Variants in QSOX1 observed in about 807,000 individuals in gnomAD.
QSOX1 encodes quiescin sulfhydryl oxidase 1, also known as sulfhydryl oxidase 1.
Under a neutral mutation model 76.1 loss-of-function variants are expected in QSOX1, and 40 were observed. That is an observed-to-expected ratio of 0.53 (90% CI 0.41 to 0.68). The LOEUF (loss-of-function observed/expected upper bound fraction) is 0.68, where lower values mean the gene tolerates loss of function less well. QSOX1 is among the 30% of genes least tolerant of loss of function. The pLI, the probability that QSOX1 is intolerant of heterozygous loss-of-function variation, is 0.00. For synonymous variants in QSOX1, 392 were observed against 413.1 expected, an observed-to-expected ratio of 0.95 and a Z score of 0.62; for missense variants, 931 against 974.3, an observed-to-expected ratio of 0.96 and a Z score of 0.59.
intron 10 of QSOX1, among the ~76,000 whole-genome samples, chr1:180,191,868 C>CT (rs769415305): frequency 1.2e-4 from 18 of 152,044 alleles, no homozygotes; most frequent in Non-Finnish European, 1.9e-4. Context: ...CGTCTGTTGT[C>CT]TGAGTTCTGG....
Position 180,198,854 on chromosome 1 carries a change from G to A in QSOX1, c.*1817G>A, listed in dbSNP as rs1663569578. On this transcript the variant is annotated 3_prime_UTR_variant, in exon 12 of 12. Coordinates refer to ENST00000367602, the MANE Select transcript of QSOX1 (RefSeq NM_002826.5). ...AGGAAGACAGAGGCTCCCAGGGCCG[G>A]TGCCCTGTGTGCCCACTGCACCAAG... 2 of 187,610 alleles carry A rather than the reference G, an allele frequency of 1.1e-5. No individual in the cohort carries two copies. The highest frequency in any genetic ancestry group is 2.6e-4 in the East Asian group (2 of 7,690). The allele number at this position is 187,610 out of a possible 1,614,324, so 11.6% of individuals were successfully genotyped here. A position where few individuals can be genotyped will look rare whatever the true frequency, so the allele number is the denominator to read the frequency against.
At chr1:180,168,910 C>G (rs146121054) in intron 2 of QSOX1, among the ~76,000 whole-genome samples, 239 of 152,296 alleles carry the variant, frequency 1.6e-3, no homozygotes, top group African/African-American at 5.4e-3. Flanking sequence ...GCACTCTGTC[C>G]ATGAAGAGCT....
Position 180,178,503 on chromosome 1 carries a change from C to T in QSOX1, c.516-291C>T, listed in dbSNP as rs143479483. ...TCAGCCTCCCAAAGTGTTGGGATTA[C>T]AGGCGTGAGCCACCGCACCCGGCCC... On this transcript the variant is annotated intron_variant, in intron 4 of 11. Transcript: ENST00000367602. Among the ~76,000 whole-genome samples the T allele has an allele frequency of 1.1e-3, 168 of 152,378 alleles. 1 individual carries two copies. Among genetic ancestry groups the T allele is most frequent in the African/African-American group, 3.6e-3 (149 of 41,596 alleles).
Position 180,166,568 on chromosome 1 carries a change from A to C in QSOX1, c.343A>C (p.Ile115Leu). The C allele has an allele frequency of 6.2e-7, 1 of 1,614,112 alleles. No homozygotes were observed. ...TNSAVCRDFN[I>L]PGFPTVRFFK... Reference sequence around the variant, plus strand: ...CAGTGCAGTCTGCAGAGACTTCAACATCCCTGGCTTCCCGACTGTGAGGGT... The same window carrying C: ...CAGTGCAGTCTGCAGAGACTTCAACCTCCCTGGCTTCCCGACTGTGAGGGT... The change falls in exon 2 of 12, where the codon ATC becomes CTC. Residue 115 changes from isoleucine (I) to leucine (L), a missense_variant. Ile to Leu is a conservative substitution (Grantham distance 5). Transcript: ENST00000367602.
At chr1:180,182,040 C>T in intron 5 of QSOX1, 134 bp from the exon 6 acceptor site, 1 of 816,480 alleles carries the variant, frequency 1.2e-6, no homozygotes, top group Non-Finnish European at 1.9e-6. Flanking sequence ...CAGTGTGGTC[C>T]ACTCTTTGTG....
chr1:180,165,075 C>T (rs1474389198), intron 1 of QSOX1, among the ~76,000 whole-genome samples: 1 of 152,214 alleles, frequency 6.6e-6, no homozygotes, highest in Non-Finnish European at 1.5e-5. Flanking sequence ...AATCTAATAC[C>T]TTTCACCTCG....
rs1053570157 is a variant in QSOX1 at position 180,184,062 on chromosome 1, C to G, written c.887+12C>G. On this transcript the variant is annotated intron_variant, in intron 7 of 11. Coordinates refer to ENST00000367602, the MANE Select transcript of QSOX1 (RefSeq NM_002826.5). ...AAATTGGCAGATCGGTAAGGCTACGCCTGGTTCTCCTCACTTCTTCTCCTT... is the reference window on the plus strand; with the variant it reads ...AAATTGGCAGATCGGTAAGGCTACGGCTGGTTCTCCTCACTTCTTCTCCTT... The G allele has an allele frequency of 2.5e-6, 4 of 1,613,744 alleles. No individual in the cohort carries two copies. Among genetic ancestry groups the G allele is most frequent in the Admixed American group, 1.7e-5 (1 of 59,990 alleles).
chr1:180,178,208 C>A (rs917598731), intron 4 of QSOX1, among the ~76,000 whole-genome samples: 2 of 152,186 alleles, frequency 1.3e-5, no homozygotes, highest in South Asian at 4.1e-4. Flanking sequence ...CCTCCCCACA[C>A]GGCCTCCTAC....
intron 8 of QSOX1, among the ~76,000 whole-genome samples, chr1:180,188,844 G>A (rs1208486149): frequency 2.0e-5 from 3 of 152,122 alleles, no homozygotes; most frequent in Admixed American, 1.3e-4. Flanking sequence ...CCTGCCCTCC[G>A]CCCCTTGTGC....
chr1:180,155,631 A>G (rs922836954), intron 1 of QSOX1, among the ~76,000 whole-genome samples: 4 of 152,068 alleles, frequency 2.6e-5, no homozygotes, highest in African/African-American at 9.7e-5. Flanking sequence ...GAGAAAAGGG[A>G]ACGGACATCC....
At chr1:180,164,602 G>A (rs1345403517) in intron 1 of QSOX1, among the ~76,000 whole-genome samples, 6 of 152,294 alleles carry the variant, frequency 3.9e-5, no homozygotes, top group Admixed American at 2.6e-4. Context: ...CCAGGGATGC[G>A]TCAGGGTGTG....
intron 1 of QSOX1, among the ~76,000 whole-genome samples, chr1:180,159,065 G>A (rs577415226): frequency 1.3e-5 from 2 of 152,290 alleles, no homozygotes; most frequent in African/African-American, 4.8e-5. Flanking sequence ...CAAGCCCCCA[G>A]TGGGGGCTCA....
At position 180,194,321 on chromosome 1, in the gene QSOX1, G is replaced by T. The variant is rs546683425; in HGVS notation, c.1397G>T (p.Arg466Leu). The T allele has an allele frequency of 6.2e-7, 1 of 1,610,028 alleles. No homozygotes were observed. The highest frequency in any genetic ancestry group is 8.5e-7 in the Non-Finnish European group (1 of 1,177,364). ...CAGATGGCTGCTGCCTCCATGCACCGGGTGGGGAGTCCCAACGCCGCTGTC... is the reference window on the plus strand; with the variant it reads ...CAGATGGCTGCTGCCTCCATGCACCTGGTGGGGAGTCCCAACGCCGCTGTC... The part of the protein sequence containing the change: ...FEQMAAASMH[R>L]VGSPNAAVLW... Residue 466 changes from arginine (R) to leucine (L), a missense_variant, in exon 11 of 12, where the codon CGG becomes CTG. Transcript: ENST00000367602.
intron 1 of QSOX1, among the ~76,000 whole-genome samples, chr1:180,158,261 T>A (rs1435711122): frequency 1.3e-5 from 2 of 152,182 alleles, no homozygotes; most frequent in Non-Finnish European, 2.9e-5. Flanking sequence ...TGTGCCGAGC[T>A]ATGGAGGTGA....
chr1:180,167,369 C>G (rs6690609), intron 2 of QSOX1, among the ~76,000 whole-genome samples: 123,002 of 152,186 alleles, frequency 0.81, 51,384 homozygotes, highest in East Asian at 0.99. Flanking sequence ...ATCTAGAAAA[C>G]CAGTTTCTTC....
chr1:180,191,902 G>A (rs2149242386), intron 10 of QSOX1, among the ~76,000 whole-genome samples: 1 of 152,092 alleles, frequency 6.6e-6, no homozygotes, highest in East Asian at 1.9e-4. Flanking sequence ...AGGTGGAGGT[G>A]TCTGTGCTGG....
In QSOX1 at chr1:180,197,643, G is replaced by T; in HGVS notation, c.*606G>T. 2.2e-6 allele frequency: 1 copy of T among 463,392 alleles called. No homozygotes were observed. The allele number at this position is 463,392 out of a possible 1,614,324, so 28.7% of individuals were successfully genotyped here. ...TTCTGGAAGTCGTGCTGGTCTCCCA[G>T]GTGAGGCAAGCCATGGTTGCTGGGC... On this transcript the variant is annotated 3_prime_UTR_variant, in exon 12 of 12. Transcript: ENST00000367602.
At chr1:180,161,542 A>T (rs1347815916) in intron 1 of QSOX1, among the ~76,000 whole-genome samples, 2 of 152,264 alleles carry the variant, frequency 1.3e-5, no homozygotes, top group Non-Finnish European at 2.9e-5. Context: ...CAGTATTGCC[A>T]TAAAAATAGG....
chr1:180,178,871 A>C lies in QSOX1; in HGVS notation c.593A>C (p.Tyr198Ser). ...LALIFEKGGSYLGREVALDLS... is the reference protein window; with the variant it reads ...LALIFEKGGSSLGREVALDLS... Reference sequence around the variant, plus strand: ...CTGATCTTTGAAAAGGGAGGCTCCTACCTGGGTAGAGAGGTGAGCTGCCCT... The same window carrying C: ...CTGATCTTTGAAAAGGGAGGCTCCTCCCTGGGTAGAGAGGTGAGCTGCCCT... The change falls in exon 5 of 12, where the codon TAC becomes TCC. Residue 198 changes from tyrosine (Y) to serine (S), a missense_variant. Tyr to Ser is a moderately radical substitution (Grantham distance 144, BLOSUM62 -2). Coordinates refer to ENST00000367602, the MANE Select transcript of QSOX1 (RefSeq NM_002826.5). 6.2e-7 allele frequency: 1 copy of C among 1,613,648 alleles called. No individual in the cohort carries two copies. Among genetic ancestry groups the C allele is most frequent in the East Asian group, 2.2e-5 (1 of 44,872 alleles).
Sources: gnomAD v4.1 joint callset for allele counts (sites outside exome capture counted in the v4.1 genomes callset) on GRCh38, gnomAD v4.1.1 for gene constraint, MANE v1.5 for transcripts, NCBI Gene and HGNC (gene_info 2026-07-23, HGNC 2026-07-21) for gene names.